The following RAVER2 variants were observed in gnomAD, a reference collection of about 807,000 sequenced individuals.
RAVER2 encodes the protein ribonucleoprotein, PTB binding 2.
RAVER2 carries 46 observed loss-of-function variants against 78.1 expected under a neutral mutation model. That is an observed-to-expected ratio of 0.59 (90% CI 0.46 to 0.75). The LOEUF is 0.75. RAVER2 is among the 30% of genes least tolerant of loss of function. The pLI is 0.00. For synonymous variants in RAVER2, 311 were observed against 313.3 expected, an observed-to-expected ratio of 0.99 and a Z score of 0.08; for missense variants, 793 against 837.5, an observed-to-expected ratio of 0.95 and a Z score of 0.66.
rs771857080 is a variant in RAVER2, at chr1:64,805,014, C to T, written c.1320C>T (p.Pro440=). ...AGAAACCCGGCTTACTTGGAGAGCC[C>T]CCAGCTGTGGTACTTCAGACTGCAC... is the stretch of plus-strand genomic sequence containing the variant. Residue 440 remains proline, a synonymous_variant, in exon 8 of 12, where the codon CCC becomes CCT. Coordinates refer to ENST00000294428, the Ensembl canonical transcript of RAVER2. 1.1e-5 allele frequency: 17 copies of T among 1,613,834 alleles called. No individual in the cohort carries two copies. In the Admixed American group the frequency reaches 1.2e-4, roughly 11 times the overall value.
At chr1:64,803,134 A>T in intron 6 of RAVER2, 73 bp downstream of exon 6, 1 of 1,123,144 alleles carries the variant, frequency 8.9e-7, no homozygotes, top group South Asian at 1.4e-5. Flanking sequence ...TAACACTTAA[A>T]GTTCTCAAGA....
chr1:64,800,983 T>C (rs1331711670), intron 5 of RAVER2, among the ~76,000 whole-genome samples: 1 of 151,864 alleles, frequency 6.6e-6, no homozygotes, highest in Non-Finnish European at 1.5e-5. Flanking sequence ...TTATTTATTT[T>C]ACCTTTCATA....
intron 1 of RAVER2, among the ~76,000 whole-genome samples, chr1:64,767,234 ATAT>A (rs1652199032): frequency 6.6e-6 from 1 of 151,960 alleles, no homozygotes; most frequent in Admixed American, 6.6e-5. Context: ...ATCCATTTCT[ATAT>A]TACTCATATG....
At chr1:64,751,462 A>G (rs887936157) in intron 1 of RAVER2, among the ~76,000 whole-genome samples, 1 of 152,214 alleles carries the variant, frequency 6.6e-6, no homozygotes. Context: ...CATTAAATGA[A>G]GTCAACTCTG....
intron 1 of RAVER2, among the ~76,000 whole-genome samples, chr1:64,760,374 A>G (rs1316814671): frequency 6.6e-6 from 1 of 152,190 alleles, no homozygotes; most frequent in Non-Finnish European, 1.5e-5. Flanking sequence ...TCTCTGGGTG[A>G]TGTATGTTTC....
intron 5 of RAVER2, among the ~76,000 whole-genome samples, chr1:64,790,736 G>C (rs1184692507): frequency 6.6e-6 from 1 of 152,166 alleles, no homozygotes; most frequent in Non-Finnish European, 1.5e-5. Context: ...TCGCTGATAA[G>C]GGGGAACTAA....
chr1:64,766,406 A>T (rs1652176649), intron 1 of RAVER2, among the ~76,000 whole-genome samples: 1 of 152,146 alleles, frequency 6.6e-6, no homozygotes, highest in African/African-American at 2.4e-5. Context: ...CAAGGCTCAA[A>T]TTGAGGGATG....
At chr1:64,755,309 C>T (rs1054851327) in intron 1 of RAVER2, among the ~76,000 whole-genome samples, 6 of 152,014 alleles carry the variant, frequency 3.9e-5, no homozygotes, top group Non-Finnish European at 7.4e-5. Flanking sequence ...GTATTTGGAG[C>T]TTAATTTTAT....
At chr1:64,826,461 G>A (rs1439220007) in intron 11 of RAVER2, among the ~76,000 whole-genome samples, 3 of 152,184 alleles carry the variant, frequency 2.0e-5, no homozygotes, top group Admixed American at 2.0e-4. Context: ...CAAGTGCAAA[G>A]GTACTGAGGC....
chr1:64,814,063 A>G (rs1412574915), intron 10 of RAVER2, among the ~76,000 whole-genome samples: 1 of 151,872 alleles, frequency 6.6e-6, no homozygotes, highest in Non-Finnish European at 1.5e-5. Flanking sequence ...AGGTGGGACT[A>G]CAGGCATGTG....
intron 9 of RAVER2, among the ~76,000 whole-genome samples, chr1:64,810,688 A>G (rs1386357870): frequency 2.6e-5 from 4 of 152,136 alleles, no homozygotes; most frequent in African/African-American, 9.7e-5. Flanking sequence ...GATGTTGAGC[A>G]TTTTTGTGTG....
At position 64,812,416 on chromosome 1, in the gene RAVER2, CAGAT is replaced by C. The variant is rs1313742197; in HGVS notation, c.1681-316_1681-313del. 4.7e-4 allele frequency among the ~76,000 whole-genome samples: 68 copies of C among 143,778 alleles called. No individual in the cohort carries two copies. The East Asian group carries it at 0.013, about 27-fold the overall frequency. 94.3% of individuals were successfully genotyped at this position (143,778 alleles called of 152,430 possible). On this transcript the variant is annotated intron_variant, in intron 9 of 11. Coordinates refer to ENST00000294428, the Ensembl canonical transcript of RAVER2. The stretch of plus-strand genomic sequence containing the variant: ...ATAGATAGATAGACAGACAGACAGA[CAGAT>C]AGATAACAGTGTTTCTGGAAAAGAG...
At chr1:64,761,328 C>G (rs1242127447) in intron 1 of RAVER2, among the ~76,000 whole-genome samples, 1 of 151,428 alleles carries the variant, frequency 6.6e-6, no homozygotes, top group Non-Finnish European at 1.5e-5. Flanking sequence ...CTGCGTTGGG[C>G]CCCCCCCAAA....
chr1:64,789,267 A>G, intron 4 of RAVER2, 121 bp from the exon 5 acceptor site: 2 of 839,636 alleles, frequency 2.4e-6, no homozygotes, highest in Non-Finnish European at 1.7e-6. Context: ...ATATAAATCA[A>G]ATTATGTTTA....
chr1:64,746,495 GGGCT>G (rs1459209393), intron 1 of RAVER2, among the ~76,000 whole-genome samples: 3 of 152,108 alleles, frequency 2.0e-5, no homozygotes, highest in Non-Finnish European at 2.9e-5. Context: ...AATTGCAAGA[GGGCT>G]GGCTATTGAC....
intron 1 of RAVER2, among the ~76,000 whole-genome samples, chr1:64,749,029 A>G (rs1651621405): frequency 6.6e-6 from 1 of 150,876 alleles, no homozygotes; most frequent in Non-Finnish European, 1.5e-5. Flanking sequence ...TTGTAGAGAC[A>G]TCGTATCTCT....
At chr1:64,752,534 C>G (rs1197200226) in intron 1 of RAVER2, among the ~76,000 whole-genome samples, 2 of 152,126 alleles carry the variant, frequency 1.3e-5, no homozygotes, top group Non-Finnish European at 2.9e-5. Flanking sequence ...ATTCTGTTGC[C>G]TACTCAGTTG....
chr1:64,797,439 TAAAA>T (rs1269554503), intron 5 of RAVER2, among the ~76,000 whole-genome samples: 1 of 152,214 alleles, frequency 6.6e-6, no homozygotes, highest in African/African-American at 2.4e-5. Flanking sequence ...CTGTGTTCAG[TAAAA>T]AGCTGTGAAG....
At chr1:64,823,802 A>ATTTTTTTT (rs759134955) in intron 11 of RAVER2, among the ~76,000 whole-genome samples, 1 of 122,844 alleles carries the variant, frequency 8.1e-6, no homozygotes, top group Non-Finnish European at 1.7e-5. Flanking sequence ...GTAAGTTGTG[A>ATTTTTTTT]TTTTTTTTTT....
Sources: gnomAD v4.1 joint callset for allele counts (sites outside exome capture counted in the v4.1 genomes callset) on GRCh38, gnomAD v4.1.1 for gene constraint, MANE v1.5 for transcripts, NCBI Gene and HGNC (gene_info 2026-07-23, HGNC 2026-07-21) for gene names.